NFIC: variants seen among roughly 807,000 people sequenced by gnomAD.
The protein encoded by NFIC is nuclear factor 1 C-type.
In NFIC, 12 loss-of-function variants were observed where a neutral mutation model predicts 54.4. The observed-to-expected ratio is 0.22, with a 90% confidence interval of 0.14 to 0.36. NFIC has a LOEUF of 0.36. Ranked by LOEUF, NFIC falls within the 10% of genes least tolerant of loss-of-function variation. The pLI is 1.00. For synonymous variants in NFIC, 322 were observed against 319.2 expected (o/e 1.01, Z -0.09); for missense variants, 575 against 718.2 (o/e 0.80, Z 2.28).
chr19:3,435,285 T>TG (rs1284366976), intron 6 of NFIC, 78 bp downstream of exon 6: 1 of 1,440,312 alleles, frequency 6.9e-7, no homozygotes, highest in Non-Finnish European at 9.2e-7. Context: ...CGGCAGCCAC[T>TG]GCGCGGGCGC....
rs1240803018 is a variant in NFIC, at chr19:3,453,549, G to A, written c.1270-214G>A. Among the ~76,000 whole-genome samples, 2 of 152,128 alleles carry A rather than the reference G, an allele frequency of 1.3e-5. No homozygotes were observed. Among genetic ancestry groups the A allele is most frequent in the Non-Finnish European group, 2.9e-5 (2 of 68,010 alleles). ...CAGTGAGCGTGGCCCCAGTAGTGCC[G>A]GGCTTTGAGTGACACCAGCAAGCGG... is the stretch of plus-strand genomic sequence containing the variant. On this transcript the variant is annotated intron_variant, in intron 8 of 10. Transcript: ENST00000443272. This position sits in a 1 kb window ranked among gnomAD's most constrained non-coding sequence, Gnocchi z 6.7.
rs943899496 is a variant in NFIC, at chr19:3,441,990, C to G, written c.958+6783C>G. Among the ~76,000 whole-genome samples the G allele has an allele frequency of 5.3e-5, 8 of 152,210 alleles. 1 individual carries two copies. Among genetic ancestry groups the G allele is most frequent in the Non-Finnish European group, 1.2e-4 (8 of 68,030 alleles). ...TTAGAGCAGCTCTCCCTTCCTCTGG[C>G]GGACTCGGGGCCTTTTCTCCCGGGC... On this transcript the variant is annotated intron_variant, in intron 6 of 10. Transcript: ENST00000443272.
At chr19:3,445,547 T>G (rs977212931) in intron 6 of NFIC, among the ~76,000 whole-genome samples, 1 of 152,210 alleles carries the variant, frequency 6.6e-6, no homozygotes, top group African/African-American at 2.4e-5. Context: ...CCCTGGGAAC[T>G]GCTGACCTGC....
At chr19:3,400,819 G>A (rs1458001702) in intron 2 of NFIC, among the ~76,000 whole-genome samples, 1 of 152,162 alleles carries the variant, frequency 6.6e-6, no homozygotes, top group South Asian at 2.1e-4. Context: ...TCCAGCTGGG[G>A]CCACAGAGCG....
chr19:3,413,416 AG>A (rs1258735321), intron 2 of NFIC, among the ~76,000 whole-genome samples: 1 of 152,178 alleles, frequency 6.6e-6, no homozygotes. Flanking sequence ...GTGAGATGCC[AG>A]GGTGGCTGAT....
intron 1 of NFIC, among the ~76,000 whole-genome samples, chr19:3,360,528 T>C (rs951726055): frequency 2.6e-5 from 4 of 151,870 alleles, no homozygotes; most frequent in African/African-American, 9.7e-5. Flanking sequence ...CGGGCCGGCA[T>C]TGGCATCTGG....
chr19:3,436,120 G>A lies in NFIC; in HGVS notation c.958+913G>A, dbSNP rs1332943680. Among the ~76,000 whole-genome samples, 8 of 142,276 alleles carry A rather than the reference G, an allele frequency of 5.6e-5. No homozygotes were observed. In the East Asian group the frequency reaches 1.0e-3, roughly 18 times the overall value. The allele number at this position is 142,276 out of a possible 152,430, so 93.3% of individuals were successfully genotyped here. A position where few individuals can be genotyped will look rare whatever the true frequency, so the allele number is the denominator to read the frequency against. The stretch of plus-strand genomic sequence containing the variant: ...TGGGATTACAGGCGTGAGCCACCAC[G>A]CCCGGCCTCTGTTTTTGTTTGTTTG... On this transcript the variant is annotated intron_variant, in intron 6 of 10. Coordinates refer to ENST00000443272, the MANE Select transcript of NFIC (RefSeq NM_001245002.2).
chr19:3,452,344 T>C lies in NFIC; in HGVS notation c.1085-138T>C. 8.7e-7 allele frequency: 1 copy of C among 1,148,990 alleles called. No homozygotes were observed. The highest frequency in any genetic ancestry group is 1.4e-5 in the South Asian group (1 of 70,802). The allele number at this position is 1,148,990 out of a possible 1,614,324, so 71.2% of individuals were successfully genotyped here. Reference sequence around the variant, plus strand: ...TGGGTGTCAATGTGGTCAGTGCTGCTGGGTTTTTTTGGTGGTTATTGTTAC... The same window carrying C: ...TGGGTGTCAATGTGGTCAGTGCTGCCGGGTTTTTTTGGTGGTTATTGTTAC... On this transcript the variant is annotated intron_variant, in intron 7 of 10. Coordinates refer to ENST00000443272, the MANE Select transcript of NFIC (RefSeq NM_001245002.2). This position sits in a 1 kb window ranked among gnomAD's most constrained non-coding sequence, Gnocchi z 5.3.
At chr19:3,409,995 C>T (rs1017170592) in intron 2 of NFIC, among the ~76,000 whole-genome samples, 9 of 152,076 alleles carry the variant, frequency 5.9e-5, no homozygotes, top group Admixed American at 2.0e-4. Flanking sequence ...ATTGCTTGAG[C>T]CCAGGAGTTT....
At chr19:3,420,412 C>A (rs1481430495) in intron 2 of NFIC, among the ~76,000 whole-genome samples, 1 of 151,792 alleles carries the variant, frequency 6.6e-6, no homozygotes, top group Non-Finnish European at 1.5e-5. Context: ...GGCGTGTGGG[C>A]GTGGTGGCAC....
intron 6 of NFIC, among the ~76,000 whole-genome samples, chr19:3,446,446 T>C (rs1245115940): frequency 6.6e-6 from 1 of 152,148 alleles, no homozygotes; most frequent in East Asian, 1.9e-4. Flanking sequence ...CACCCTGCAG[T>C]GCCCAGGAGG....
At chr19:3,391,525 G>T (rs1054938597) in intron 2 of NFIC, among the ~76,000 whole-genome samples, 1 of 151,934 alleles carries the variant, frequency 6.6e-6, no homozygotes, top group African/African-American at 2.4e-5. Context: ...GGCCAGGCGC[G>T]GTGGCTCACA....
At chr19:3,360,943 C>T (rs988345200) in intron 1 of NFIC, among the ~76,000 whole-genome samples, 1 of 152,190 alleles carries the variant, frequency 6.6e-6, no homozygotes, top group Admixed American at 6.5e-5. Flanking sequence ...TGAGCCTCCC[C>T]CTAGGGAAGG....
At chr19:3,378,108 GATAGTGTGTGGCTGTA>G (rs1288838263) in intron 1 of NFIC, among the ~76,000 whole-genome samples, 1 of 151,928 alleles carries the variant, frequency 6.6e-6, no homozygotes, top group Non-Finnish European at 1.5e-5. Context: ...AGCTGGGCAT[GATAGTGTGTGGCTGTA>G]ATAGTGTGTG....
At chr19:3,387,750 G>A (rs1334957244) in intron 2 of NFIC, among the ~76,000 whole-genome samples, 2 of 152,012 alleles carry the variant, frequency 1.3e-5, no homozygotes, top group African/African-American at 4.8e-5. Context: ...GATGTTCAGG[G>A]GGTAGTGAGT....
intron 3 of NFIC, among the ~76,000 whole-genome samples, chr19:3,426,980 G>A (rs976643332): frequency 2.7e-5 from 4 of 147,386 alleles, no homozygotes; most frequent in African/African-American, 5.1e-5. Context: ...AGGCTAGAGT[G>A]CAATGGCGCA....
At chr19:3,359,708 GT>G in intron 1 of NFIC, 2 of 1,425,136 alleles carry the variant, frequency 1.4e-6, no homozygotes. Flanking sequence ...ACCCACTTTC[GT>G]TTTCGCCCGG....
At chr19:3,359,821 C>A (rs1038765724) in intron 1 of NFIC, 20 of 937,974 alleles carry the variant, frequency 2.1e-5, no homozygotes, top group Non-Finnish European at 2.8e-5. Flanking sequence ...CGGGGACCCC[C>A]ACTCGCCAGT....
chr19:3,364,142 T>G (rs1317350364), upstream of NFIC, among the ~76,000 whole-genome samples: 1 of 150,048 alleles, frequency 6.7e-6, no homozygotes, highest in East Asian at 1.9e-4. Context: ...GTGAAATAAC[T>G]GTAGAGAGAG....
Sources: gnomAD v4.1 joint callset for allele counts (sites outside exome capture counted in the v4.1 genomes callset) on GRCh38, gnomAD v4.1.1 for gene constraint, Gnocchi (gnomAD v3.1) non-coding constraint, MANE v1.5 for transcripts, NCBI Gene and HGNC (gene_info 2026-07-23, HGNC 2026-07-21) for gene names.